Variants in AAK1 observed in about 807,000 individuals in gnomAD.
The protein encoded by AAK1 is AP2 associated kinase 1.
AAK1 carries 37 observed loss-of-function variants against 116.0 expected under a neutral mutation model. That is an observed-to-expected ratio of 0.32 (90% CI 0.25 to 0.42). The LOEUF (loss-of-function observed/expected upper bound fraction) is 0.42. Ranked by LOEUF, AAK1 falls within the 10% of genes least tolerant of loss-of-function variation. The pLI is 1.00. For synonymous variants in AAK1, 458 were observed against 439.9 expected, an observed-to-expected ratio of 1.04 and a Z score of -0.51; for missense variants, 919 against 1,170.6, an observed-to-expected ratio of 0.79 and a Z score of 3.14.
intron 17 of AAK1, among the ~76,000 whole-genome samples, chr2:69,493,564 G>A (rs572758515): frequency 6.6e-6 from 1 of 152,204 alleles, no homozygotes; most frequent in East Asian, 1.9e-4. Flanking sequence ...TCATTCATTT[G>A]TCGGATCTGT....
chr2:69,467,295 C>A lies in AAK1; in HGVS notation c.*8574G>T, dbSNP rs1411404906. ...AAGCAGAAGGAGTAAAATGCATGGGCCATTACAGAAGCATTAGCAAACTCC... is the reference window on the plus strand; with the variant it reads ...AAGCAGAAGGAGTAAAATGCATGGGACATTACAGAAGCATTAGCAAACTCC... On this transcript the variant is annotated 3_prime_UTR_variant, in exon 22 of 22. Transcript: ENST00000409085. The A allele has an allele frequency of 2.0e-6, 2 of 985,254 alleles. No homozygotes were observed. Among genetic ancestry groups the A allele is most frequent in the Admixed American group, 1.2e-4 (2 of 16,250 alleles). 61.0% of individuals were successfully genotyped at this position (985,254 alleles called of 1,614,324 possible).
At position 69,469,283 on chromosome 2, in the gene AAK1, A is replaced by G. The variant is rs1674597088; in HGVS notation, c.*6586T>C. 1 of 985,338 alleles carries G rather than the reference A, an allele frequency of 1.0e-6. No individual in the cohort carries two copies. The highest frequency in any genetic ancestry group is 1.2e-6 in the Non-Finnish European group (1 of 829,948). 61.0% of individuals were successfully genotyped at this position (985,338 alleles called of 1,614,324 possible). A position where few individuals can be genotyped will look rare whatever the true frequency, so the allele number is the denominator to read the frequency against. ...AAGCCCAGACCTCCACATTCCCTTA[A>G]GGAATTCTGGTGGTGGCAGCACCAG... On this transcript the variant is annotated 3_prime_UTR_variant, in exon 22 of 22. Transcript: ENST00000409085.
intron 2 of AAK1, among the ~76,000 whole-genome samples, chr2:69,608,164 C>T (rs1673893773): frequency 1.3e-5 from 2 of 152,168 alleles, no homozygotes; most frequent in South Asian, 4.1e-4. Flanking sequence ...CAGGCAGCAC[C>T]TGCAGGACAC....
At chr2:69,640,053 ACTCTCTCTCTCTCTCT>A (rs1177010194) in intron 2 of AAK1, among the ~76,000 whole-genome samples, 1 of 92,742 alleles carries the variant, frequency 1.1e-5, no homozygotes, top group Non-Finnish European at 2.1e-5. Context: ...ACACACACAC[ACTCTCTCTCTCTCTCT>A]CTCTCTCTCT....
intron 2 of AAK1, among the ~76,000 whole-genome samples, chr2:69,593,703 GCTA>G (rs1673135894): frequency 1.3e-5 from 2 of 152,104 alleles, no homozygotes; most frequent in Non-Finnish European, 1.5e-5. Context: ...GTCAAGATAA[GCTA>G]CTATTTACAT....
chr2:69,633,996 C>T (rs1199977440), intron 2 of AAK1, among the ~76,000 whole-genome samples: 1 of 152,116 alleles, frequency 6.6e-6, no homozygotes, highest in African/African-American at 2.4e-5. Flanking sequence ...ATGGTGAAAC[C>T]CTACCTCTAC....
Position 69,472,515 on chromosome 2 carries a change from T to C in AAK1, c.*3354A>G, listed in dbSNP as rs1362006391. On this transcript the variant is annotated 3_prime_UTR_variant, in exon 22 of 22. Coordinates refer to ENST00000409085, the MANE Select transcript of AAK1 (RefSeq NM_014911.5). ...TGACATTGAGGGGAACAACACTTAA[T>C]TAGATGTCAAAATTCTGATATGTCT... 1 of 733,976 alleles carries C rather than the reference T, an allele frequency of 1.4e-6. No homozygotes were observed. Among genetic ancestry groups the C allele is most frequent in the Non-Finnish European group, 1.7e-6 (1 of 600,694 alleles). 45.5% of individuals were successfully genotyped at this position (733,976 alleles called of 1,614,324 possible). A position where few individuals can be genotyped will look rare whatever the true frequency, so the allele number is the denominator to read the frequency against.
At chr2:69,535,187 T>A (rs1452974110) in intron 5 of AAK1, among the ~76,000 whole-genome samples, 7 of 152,312 alleles carry the variant, frequency 4.6e-5, no homozygotes, top group African/African-American at 1.7e-4. Flanking sequence ...GGAATGTACA[T>A]CTAGAAAAGC....
At chr2:69,551,260 GAGCA>G (rs1671171506) in intron 3 of AAK1, among the ~76,000 whole-genome samples, 1 of 152,102 alleles carries the variant, frequency 6.6e-6, no homozygotes, top group Non-Finnish European at 1.5e-5. Context: ...GAGGGAGAGA[GAGCA>G]TCAGGAAGAA....
intron 2 of AAK1, among the ~76,000 whole-genome samples, chr2:69,559,267 C>CACACACAT (rs1262319671): frequency 1.0e-5 from 1 of 97,896 alleles, no homozygotes; most frequent in Non-Finnish European, 2.0e-5. Flanking sequence ...CTCTCTCACA[C>CACACACAT]ACACACACAC....
In AAK1 at chr2:69,546,327, C is replaced by A. The variant is rs1213701881; in HGVS notation, c.283-1783G>T. 2.0e-5 allele frequency among the ~76,000 whole-genome samples: 3 copies of A among 152,174 alleles called. 1 individual carries two copies. Among genetic ancestry groups the A allele is most frequent in the East Asian group, 1.9e-4 (1 of 5,200 alleles). The stretch of plus-strand genomic sequence containing the variant: ...TAAGGGAGATGATGAAGCTGACACA[C>A]AATCTCTATAATTCAAGTTTTTCCC... On this transcript the variant is annotated intron_variant, in intron 3 of 21. Transcript: ENST00000409085.
At chr2:69,592,038 G>A (rs138544690) in intron 2 of AAK1, among the ~76,000 whole-genome samples, 1 of 152,126 alleles carries the variant, frequency 6.6e-6, no homozygotes, top group Non-Finnish European at 1.5e-5. Flanking sequence ...GTCAATAAGA[G>A]CAAATGAGGA....
chr2:69,603,202 G>C (rs947629279), intron 2 of AAK1, among the ~76,000 whole-genome samples: 4 of 152,148 alleles, frequency 2.6e-5, no homozygotes, highest in African/African-American at 9.7e-5. Flanking sequence ...CAGTGGGACT[G>C]TTTATAACTT....
intron 2 of AAK1, among the ~76,000 whole-genome samples, chr2:69,601,828 A>T (rs1488217144): frequency 6.6e-6 from 1 of 152,234 alleles, no homozygotes; most frequent in African/African-American, 2.4e-5. Context: ...TGAAAGTTTG[A>T]TAAGGAAGAG....
Position 69,513,324 on chromosome 2 carries a change from T to G in AAK1, c.1776+1147A>C, listed in dbSNP as rs546247548. ...GAAATCAATCCTCAGAAAGATGGTT[T>G]CTTTTTTTTTTTTGAGATGGAGTCT... On this transcript the variant is annotated intron_variant, in intron 13 of 21. Coordinates refer to ENST00000409085, the MANE Select transcript of AAK1 (RefSeq NM_014911.5). 2.7e-5 allele frequency among the ~76,000 whole-genome samples: 4 copies of G among 149,990 alleles called. No homozygotes were observed. The East Asian group carries it at 7.7e-4, about 29-fold the overall frequency.
chr2:69,542,421 A>G lies in AAK1; in HGVS notation c.534+102T>C, dbSNP rs1670760473. 7.2e-6 allele frequency: 10 copies of G among 1,385,482 alleles called. No homozygotes were observed. The South Asian group carries it at 1.1e-4, about 15-fold the overall frequency. The allele number at this position is 1,385,482 out of a possible 1,614,324, so 85.8% of individuals were successfully genotyped here. The stretch of plus-strand genomic sequence containing the variant: ...GAATATAAACATAAAAACAGGGACC[A>G]TATCTTAAATTTCTCTCATATCCCC... On this transcript the variant is annotated intron_variant, in intron 5 of 21. Transcript: ENST00000409085.
At chr2:69,498,648 C>T (rs564748455) in intron 16 of AAK1, among the ~76,000 whole-genome samples, 1 of 152,146 alleles carries the variant, frequency 6.6e-6, no homozygotes, top group Non-Finnish European at 1.5e-5. Context: ...CCTCAGGGCA[C>T]GCAAGATATA....
Position 69,473,941 on chromosome 2 carries a change from T to A in AAK1, c.*1928A>T. 4.1e-6 allele frequency: 4 copies of A among 985,870 alleles called. No homozygotes were observed. Among genetic ancestry groups the A allele is most frequent in the Non-Finnish European group, 4.8e-6 (4 of 829,940 alleles). The allele number at this position is 985,870 out of a possible 1,614,324, so 61.1% of individuals were successfully genotyped here. A position where few individuals can be genotyped will look rare whatever the true frequency, so the allele number is the denominator to read the frequency against. On this transcript the variant is annotated 3_prime_UTR_variant, in exon 22 of 22. Coordinates refer to ENST00000409085, the MANE Select transcript of AAK1 (RefSeq NM_014911.5). ...CAGAGAGCCCTTCGTGGATATCTTT[T>A]GCTTTTTAATCCTCGGCAGGAAGCT...
At chr2:69,542,410 A>G in intron 5 of AAK1, 113 bp downstream of exon 5, 34 of 1,322,180 alleles carry the variant, frequency 2.6e-5, no homozygotes, top group Non-Finnish European at 3.5e-5. Flanking sequence ...ATAAACATAA[A>G]AACAGGGACC....
Sources: gnomAD v4.1 joint callset for allele counts (sites outside exome capture counted in the v4.1 genomes callset) on GRCh38, gnomAD v4.1.1 for gene constraint, MANE v1.5 for transcripts, NCBI Gene and HGNC (gene_info 2026-07-23, HGNC 2026-07-21) for gene names.